KIF5B: variants seen among roughly 807,000 people sequenced by gnomAD.
KIF5B encodes kinesin family member 5B.
In KIF5B, 49 loss-of-function variants were observed where a neutral mutation model predicts 132.8. The ratio of observed to expected loss-of-function variants is 0.37; its 90% confidence interval spans 0.29 to 0.47. KIF5B has a LOEUF of 0.47. KIF5B is among the 20% of genes least tolerant of loss of function. KIF5B has a pLI of 1.00. For synonymous variants in KIF5B, 355 were observed against 369.4 expected, an observed-to-expected ratio of 0.96 and a Z score of 0.45; for missense variants, 780 against 1,144.0, an observed-to-expected ratio of 0.68 and a Z score of 4.59.
At chr10:32,028,201 T>A (rs575772882) in intron 15 of KIF5B, among the ~76,000 whole-genome samples, 31 of 151,330 alleles carry the variant, frequency 2.0e-4, no homozygotes, top group African/African-American at 6.3e-4. Flanking sequence ...TAGTAAAGAA[T>A]CAAACATGAG....
At chr10:32,038,911 T>C (rs990740573) in intron 4 of KIF5B, 85 bp from the exon 5 acceptor site, 2 of 799,372 alleles carry the variant, frequency 2.5e-6, no homozygotes, top group African/African-American at 1.8e-5. Flanking sequence ...AGGCATTGTT[T>C]AGACTAGAGA....
rs118021647 is a variant in KIF5B at position 32,034,222 on chromosome 10, T to C, written c.1112-184A>G. ...GCCTCCAGGGTTCAAGCAATTCTACTGCCTCAAGACTCCTGATTAGCTGGG... is the reference window on the plus strand; with the variant it reads ...GCCTCCAGGGTTCAAGCAATTCTACCGCCTCAAGACTCCTGATTAGCTGGG... On this transcript the variant is annotated intron_variant, in intron 11 of 25. Transcript: ENST00000302418. 2.3e-3 allele frequency among the ~76,000 whole-genome samples: 354 copies of C among 151,846 alleles called. 2 individuals carry two copies. In the East Asian group the frequency reaches 0.031, roughly 13 times the overall value.
chr10:32,045,163 A>G (rs1841593288), intron 2 of KIF5B, among the ~76,000 whole-genome samples: 1 of 152,224 alleles, frequency 6.6e-6, no homozygotes, highest in Non-Finnish European at 1.5e-5. Context: ...TATTATTAAG[A>G]GACTGTGTAA....
intron 10 of KIF5B, 69 bp from the exon 11 acceptor site, chr10:32,034,907 A>G (rs1841445131): frequency 8.5e-6 from 10 of 1,175,318 alleles, no homozygotes; most frequent in Non-Finnish European, 1.1e-5. Flanking sequence ...TATATGGAAT[A>G]TATGTATATA....
intron 15 of KIF5B, among the ~76,000 whole-genome samples, chr10:32,025,227 T>C (rs1195018258): frequency 6.6e-6 from 1 of 152,238 alleles, no homozygotes; most frequent in African/African-American, 2.4e-5. Flanking sequence ...TCATGGCTGA[T>C]AGGAATGCAA....
intron 1 of KIF5B, 45 bp from the exon 2 acceptor site, chr10:32,048,596 T>C (rs897537461): frequency 1.4e-6 from 2 of 1,379,430 alleles, no homozygotes; most frequent in Admixed American, 3.5e-5. Flanking sequence ...TAAAGGTAAA[T>C]GAACATTTCT....
intron 2 of KIF5B, among the ~76,000 whole-genome samples, chr10:32,043,099 G>A (rs1841563093): frequency 6.6e-6 from 1 of 151,998 alleles, no homozygotes; most frequent in South Asian, 2.1e-4. Flanking sequence ...CGCCTCCCAG[G>A]TTCAAGCAAT....
intron 2 of KIF5B, among the ~76,000 whole-genome samples, chr10:32,043,596 G>C (rs1328042712): frequency 6.6e-6 from 1 of 152,220 alleles, no homozygotes; most frequent in Admixed American, 6.5e-5. Flanking sequence ...GACCTGATGA[G>C]ATGCTTATCA....
Position 32,038,198 on chromosome 10 carries a change from C to T in KIF5B, c.463G>A (p.Val155Ile), listed in dbSNP as rs779037134. The T allele has an allele frequency of 6.2e-7, 1 of 1,607,854 alleles. No homozygotes were observed. The highest frequency in any genetic ancestry group is 1.1e-5 in the South Asian group (1 of 90,794). ...GGAACTCGGTTTTTGTCTTCATGAA[C>T]TGAAAGGTTGGTCTTTGAAACTGAG... is the stretch of plus-strand genomic sequence containing the variant. ...LLDVSKTNLS[V>I]HEDKNRVPYV... The change falls in exon 6 of 26, where the codon GTT (valine) becomes ATT (isoleucine). Residue 155 changes from valine (V) to isoleucine (I), a missense_variant. Around this residue, in one of 9 missense-constraint regions of KIF5B, gnomAD observed 76 missense variants for 146.4 expected, o/e 0.52. Coordinates refer to ENST00000302418, the MANE Select transcript of KIF5B (RefSeq NM_004521.3).
At chr10:32,015,198 A>C (rs1841142336) in intron 25 of KIF5B, among the ~76,000 whole-genome samples, 1 of 152,144 alleles carries the variant, frequency 6.6e-6, no homozygotes, top group African/African-American at 2.4e-5. Flanking sequence ...AATTTCAATT[A>C]TGGAAAAAAT....
intron 13 of KIF5B, among the ~76,000 whole-genome samples, chr10:32,032,406 T>C (rs2132599062): frequency 6.6e-6 from 1 of 152,224 alleles, no homozygotes; most frequent in African/African-American, 2.4e-5. Flanking sequence ...TTTAAAGGAC[T>C]GCTTTTCAAT....
intron 20 of KIF5B, among the ~76,000 whole-genome samples, chr10:32,019,168 G>A (rs1437799424): frequency 6.6e-6 from 1 of 152,118 alleles, no homozygotes; most frequent in African/African-American, 2.4e-5. Context: ...TATCCAAAAT[G>A]ATACTGATTA....
intron 23 of KIF5B, 98 bp from the exon 24 acceptor site, chr10:32,017,457 A>C (rs1178351466): frequency 1.1e-6 from 1 of 883,826 alleles, no homozygotes; most frequent in Non-Finnish European, 1.7e-6. Flanking sequence ...GTAAAACTGC[A>C]TTTTATATTG....
intron 14 of KIF5B, 95 bp from the exon 15 acceptor site, chr10:32,028,666 T>TA (rs1418424802): frequency 3.1e-5 from 31 of 1,014,064 alleles, no homozygotes; most frequent in Non-Finnish European, 4.0e-5. Context: ...ACCAAGCCCT[T>TA]ACGAAACCAT....
chr10:32,016,239 C>T (rs1306673652), intron 24 of KIF5B, among the ~76,000 whole-genome samples: 2 of 152,032 alleles, frequency 1.3e-5, no homozygotes, highest in Non-Finnish European at 2.9e-5. Flanking sequence ...GGTGGATCAT[C>T]TGAGGTCAGG....
At chr10:32,052,243 CTTAG>C (rs1376209309) in intron 1 of KIF5B, among the ~76,000 whole-genome samples, 5 of 152,130 alleles carry the variant, frequency 3.3e-5, no homozygotes, top group African/African-American at 4.8e-5. Context: ...TTAGATTTTC[CTTAG>C]TTAAACACTA....
chr10:32,037,595 G>A lies in KIF5B; in HGVS notation c.511C>T (p.Arg171Cys), dbSNP rs1264420363. The change falls in exon 7 of 26, where the codon CGT becomes TGT. Residue 171 changes from arginine (R) to cysteine (C), a missense_variant. This residue lies in a region of KIF5B where 76 missense variants were observed against 146.4 expected (regional missense o/e 0.52). Transcript: ENST00000302418. ...ACTTCATCTGGACTACATACAAAAC[G>A]CTCTGTGCACCCCTGTGAAATAATT... is the stretch of plus-strand genomic sequence containing the variant. ...RVPYVKGCTERFVCSPDEVMD... is the reference protein window; with the variant it reads ...RVPYVKGCTECFVCSPDEVMD... 3.1e-6 allele frequency: 5 copies of A among 1,609,150 alleles called. No homozygotes were observed. The highest frequency in any genetic ancestry group is 1.7e-5 in the Admixed American group (1 of 59,978).
Position 32,055,981 on chromosome 10 carries a change from G to C in KIF5B, c.-8C>G. The C allele has an allele frequency of 2.5e-6, 4 of 1,602,456 alleles. No individual in the cohort carries two copies. Among genetic ancestry groups the C allele is most frequent in the Non-Finnish European group, 3.4e-6 (4 of 1,179,718 alleles). On this transcript the variant is annotated 5_prime_UTR_variant, in exon 1 of 26. Coordinates refer to ENST00000302418, the MANE Select transcript of KIF5B (RefSeq NM_004521.3). ...CTCGGCCAGGTCCGCCATCTTTCTC[G>C]CAGCCGGGGCCGGCGGCCGGGAGCC...
chr10:32,031,062 C>CTA lies in KIF5B; in HGVS notation c.1581+9_1581+10dup, dbSNP rs1564466590. 1 of 1,590,864 alleles carries CTA rather than the reference C, an allele frequency of 6.3e-7. No homozygotes were observed. Among genetic ancestry groups the CTA allele is most frequent in the South Asian group, 1.1e-5 (1 of 90,366 alleles). On this transcript the variant is annotated intron_variant, in intron 14 of 25. Coordinates refer to ENST00000302418, the MANE Select transcript of KIF5B (RefSeq NM_004521.3). ...TAAAGCATTAAAAAAGAAAATAAAA[C>CTA]TATATCCTACCGATTTCTGATTCAA...
Sources: allele counts gnomAD v4.1 joint callset (sites outside exome capture counted in the v4.1 genomes callset), GRCh38; gene constraint gnomAD v4.1.1; regional missense constraint gnomAD v4.1.1; transcripts MANE v1.5; gene names NCBI Gene and HGNC (gene_info 2026-07-23, HGNC 2026-07-21).